The following SYNE1 variants were observed in gnomAD, a reference collection of about 807,000 sequenced individuals.
SYNE1 encodes the protein nesprin-1.
SYNE1 carries 616 observed loss-of-function variants against 1,111.0 expected under a neutral mutation model. That is an observed-to-expected ratio of 0.55 (90% CI 0.52 to 0.59). The LOEUF (loss-of-function observed/expected upper bound fraction) is 0.59, where lower values mean the gene tolerates loss of function less well. SYNE1 is among the 20% of genes least tolerant of loss of function. The pLI is 0.00. For synonymous variants in SYNE1, 3,855 were observed against 3,825.8 expected (o/e 1.01, Z -0.28); for missense variants, 10,006 against 10,417.0 (o/e 0.96, Z 1.72).
chr6:152,501,908 A>C (rs2099032055), intron 10 of SYNE1, among the ~76,000 whole-genome samples: 1 of 152,214 alleles, frequency 6.6e-6, no homozygotes, highest in Admixed American at 6.5e-5. Context: ...GAAGAAGAAA[A>C]TTATAAAATT....
chr6:152,562,414 T>C (rs1266655683), intron 3 of SYNE1, among the ~76,000 whole-genome samples: 1 of 152,134 alleles, frequency 6.6e-6, no homozygotes, highest in Non-Finnish European at 1.5e-5. Flanking sequence ...GGTGAGGATG[T>C]GGAGAAAAGG....
chr6:152,320,036 T>C (rs1458730898), intron 84 of SYNE1: 1 of 152,100 alleles, frequency 6.6e-6, no homozygotes, highest in Non-Finnish European at 1.5e-5. Flanking sequence ...TGGTGGTGCA[T>C]GCCTGGAATC....
chr6:152,206,657 G>GA (rs1231852084), intron 125 of SYNE1, among the ~76,000 whole-genome samples: 1 of 152,178 alleles, frequency 6.6e-6, no homozygotes, highest in African/African-American at 2.4e-5. Flanking sequence ...AAGAGGCAGA[G>GA]AGGCTTCCTC....
chr6:152,502,623 A>G lies in SYNE1; in HGVS notation c.888+10T>C, dbSNP rs2099035837. ...TATACCAGTGATACTTGAAGAAAGC[A>G]AATACCTACATCATCCTCTTGCCCA... On this transcript the variant is annotated intron_variant, in intron 10 of 145. Transcript: ENST00000367255. The G allele has an allele frequency of 6.2e-7, 1 of 1,603,252 alleles. No homozygotes were observed. The highest frequency in any genetic ancestry group is 8.5e-7 in the Non-Finnish European group (1 of 1,170,290).
At chr6:152,419,844 T>G in intron 39 of SYNE1, 122 bp from the exon 40 acceptor site, 1 of 939,332 alleles carries the variant, frequency 1.1e-6, no homozygotes. Flanking sequence ...GAACACTCTA[T>G]ACCTCTTGAT....
chr6:152,627,733 A>G (rs2099688753), intron 3 of SYNE1, among the ~76,000 whole-genome samples: 1 of 152,192 alleles, frequency 6.6e-6, no homozygotes, highest in African/African-American at 2.4e-5. Flanking sequence ...ATGCAGGACT[A>G]GTCTGTACCC....
At chr6:152,193,598 G>A (rs79277553) in intron 127 of SYNE1, among the ~76,000 whole-genome samples, 15,342 of 152,204 alleles carry the variant, frequency 0.1, 926 homozygotes, top group East Asian at 0.21. Context: ...GAATACAGGT[G>A]TGAGCCACCA....
chr6:152,200,931 A>G (rs1209420753), intron 127 of SYNE1, among the ~76,000 whole-genome samples: 1 of 152,226 alleles, frequency 6.6e-6, no homozygotes, highest in Non-Finnish European at 1.5e-5. Context: ...CATGATTTCT[A>G]GACCTCTTTA....
In SYNE1 at chr6:152,325,247, T is replaced by A. The variant is rs199760899; in HGVS notation, c.15494A>T (p.Lys5165Ile). 9.9e-6 allele frequency: 16 copies of A among 1,614,166 alleles called. No individual in the cohort carries two copies. In the East Asian group the frequency reaches 3.3e-4, roughly 34 times the overall value. The change falls in exon 81 of 146, where the codon AAA becomes ATA. Residue 5165 changes from lysine to isoleucine, a missense_variant. This residue lies in a region of SYNE1 where 4,955 missense variants were observed against 5,017.2 expected (regional missense o/e 0.99). Coordinates refer to ENST00000367255, the MANE Select transcript of SYNE1 (RefSeq NM_182961.4). Reference protein sequence around the residue: ...FHEKIVALEEKASQLEKTGND... With the variant: ...FHEKIVALEEIASQLEKTGND... ...TCCGGTTTTCTCCAGTTGTGAAGCTTTTTCCTCAAGGGCCACAATTTTCTC... is the reference window on the plus strand; with the variant it reads ...TCCGGTTTTCTCCAGTTGTGAAGCTATTTCCTCAAGGGCCACAATTTTCTC...
Position 152,471,816 on chromosome 6 carries a change from C to T in SYNE1, c.1464-51G>A, listed in dbSNP as rs747819627. ...TAGAATGTAACTAATAGTAACAGAA[C>T]TGATGCTTACTTAACCTGTTACATG... On this transcript the variant is annotated intron_variant, in intron 15 of 145. Transcript: ENST00000367255. 7.7e-6 allele frequency: 12 copies of T among 1,550,750 alleles called. No individual in the cohort carries two copies. The East Asian group carries it at 2.5e-4, about 32-fold the overall frequency.
intron 3 of SYNE1, among the ~76,000 whole-genome samples, chr6:152,543,909 A>G (rs1306421070): frequency 1.3e-5 from 2 of 152,180 alleles, no homozygotes; most frequent in African/African-American, 4.8e-5. Context: ...AATAGTCTAT[A>G]CCCTCTAGGT....
At chr6:152,327,371 C>G (rs1221727908) in intron 78 of SYNE1, among the ~76,000 whole-genome samples, 1 of 151,966 alleles carries the variant, frequency 6.6e-6, no homozygotes, top group East Asian at 1.9e-4. Context: ...TACCAGACCA[C>G]AGAGCCACAG....
At chr6:152,335,619 G>T (rs1242091455) in intron 76 of SYNE1, 1 of 151,892 alleles carries the variant, frequency 6.6e-6, no homozygotes, top group Non-Finnish European at 1.5e-5. Context: ...CATAATCACA[G>T]AGAAAAAACA....
chr6:152,258,178 C>T (rs2091291675), intron 101 of SYNE1, among the ~76,000 whole-genome samples: 1 of 152,108 alleles, frequency 6.6e-6, no homozygotes, highest in African/African-American at 2.4e-5. Context: ...AATATAGAGG[C>T]AACTAGCTGA....
intron 16 of SYNE1, among the ~76,000 whole-genome samples, chr6:152,470,496 C>T (rs921095377): frequency 6.6e-6 from 1 of 152,082 alleles, no homozygotes; most frequent in Non-Finnish European, 1.5e-5. Flanking sequence ...AGGAACATAA[C>T]AGATTTTGCA....
intron 95 of SYNE1, 125 bp downstream of exon 95, chr6:152,293,463 A>C (rs2094707548): frequency 3.1e-6 from 3 of 953,360 alleles, no homozygotes; most frequent in Non-Finnish European, 5.0e-6. Flanking sequence ...CTCTGGAAGA[A>C]CTGATAAGGT....
intron 127 of SYNE1, among the ~76,000 whole-genome samples, chr6:152,198,966 G>A (rs1449493518): frequency 3.5e-5 from 5 of 143,686 alleles, no homozygotes; most frequent in African/African-American, 1.3e-4. Context: ...ATGCAGCAAT[G>A]CCACAATCTT....
chr6:152,175,560 A>C (rs2066248762), intron 130 of SYNE1, among the ~76,000 whole-genome samples: 1 of 152,246 alleles, frequency 6.6e-6, no homozygotes, highest in African/African-American at 2.4e-5. Context: ...ATATTCATTT[A>C]TGCACTGAAG....
intron 56 of SYNE1, among the ~76,000 whole-genome samples, chr6:152,379,012 C>A (rs1195291186): frequency 6.6e-6 from 1 of 152,074 alleles, no homozygotes; most frequent in Non-Finnish European, 1.5e-5. Flanking sequence ...AAACTAGGAC[C>A]AACTATTTTA....
Sources: allele counts gnomAD v4.1 joint callset (sites outside exome capture counted in the v4.1 genomes callset), GRCh38; gene constraint gnomAD v4.1.1; regional missense constraint gnomAD v4.1.1; transcripts MANE v1.5; gene names NCBI Gene and HGNC (gene_info 2026-07-23, HGNC 2026-07-21).